The following IQGAP3 variants were observed in gnomAD, a reference collection of about 807,000 sequenced individuals.
The protein encoded by IQGAP3 is IQ motif containing GTPase activating protein 3, also known as ras GTPase-activating-like protein IQGAP3.
In IQGAP3, 165 loss-of-function variants were observed where a neutral mutation model predicts 208.2. The observed-to-expected ratio is 0.79, with a 90% CI of 0.70 to 0.90. The LOEUF (loss-of-function observed/expected upper bound fraction) is 0.90, where lower values mean the gene tolerates loss of function less well. IQGAP3 is among the 40% of genes least tolerant of loss of function. The probability of loss-of-function intolerance (pLI) is 0.00; values close to 1 mark genes in which losing one functional copy is unlikely to be tolerated. For missense variants in IQGAP3, 1,811 were observed against 2,043.1 expected, an observed-to-expected ratio of 0.89 and a Z score of 2.19; for synonymous variants, 703 against 803.6, an observed-to-expected ratio of 0.87 and a Z score of 2.12.
At position 156,562,629 on chromosome 1, in the gene IQGAP3, G is replaced by C; in HGVS notation, c.835C>G (p.Leu279Val). The part of the protein sequence containing the change: ...RESQDIYDHY[L>V]TQAEIQGNIN... Reference sequence around the variant, plus strand: ...TTGCCCTGGATTTCAGCCTGAGTTAGGTAGTGGTCATAGATGTCCTGGCTT... The same window carrying C: ...TTGCCCTGGATTTCAGCCTGAGTTACGTAGTGGTCATAGATGTCCTGGCTT... The change falls in exon 9 of 38, where the codon CTA (leucine) becomes GTA (valine). Residue 279 changes from leucine to valine, a missense_variant. Coordinates refer to ENST00000361170, the MANE Select transcript of IQGAP3 (RefSeq NM_178229.5). 6.2e-7 allele frequency: 1 copy of C among 1,614,142 alleles called. No homozygotes were observed. The highest frequency in any genetic ancestry group is 8.5e-7 in the Non-Finnish European group (1 of 1,180,016).
At chr1:156,547,973 C>T (rs901614700) in intron 19 of IQGAP3, 100 bp downstream of exon 19, 35 of 1,118,218 alleles carry the variant, frequency 3.1e-5, no homozygotes, top group Non-Finnish European at 4.1e-5. Flanking sequence ...ATTCAGAGGC[C>T]GAAAGGTCAT....
In IQGAP3 at chr1:156,539,935, T is replaced by G. The variant is rs760585691; in HGVS notation, c.2795A>C (p.Asp932Ala). The change falls in exon 24 of 38, where the codon GAT becomes GCT. Residue 932 changes from aspartate to alanine, a missense_variant. Transcript: ENST00000361170. ...CTTCTGCTTGTCCAGAACCATCATA[T>G]CTGACAGCTGTTCCTTATTCCTCTT... ...LTKRNKEQLS[D>A]MMVLDKQKGL... 5 of 1,614,136 alleles carry G rather than the reference T, an allele frequency of 3.1e-6. No individual in the cohort carries two copies. Among genetic ancestry groups the G allele is most frequent in the Non-Finnish European group, 4.2e-6 (5 of 1,180,026 alleles).
chr1:156,571,255 CA>C (rs984330386), intron 1 of IQGAP3, among the ~76,000 whole-genome samples: 8 of 152,182 alleles, frequency 5.3e-5, no homozygotes, highest in African/African-American at 1.7e-4. Context: ...CAAAATCAAA[CA>C]GAAAGAGTAA....
At chr1:156,572,117 TC>T in intron 1 of IQGAP3, among the ~76,000 whole-genome samples, 1 of 151,846 alleles carries the variant, frequency 6.6e-6, no homozygotes, top group Non-Finnish European at 1.5e-5. Context: ...AGCCTAAGAG[TC>T]CCCCAGATCC....
chr1:156,572,385 G>T, intron 1 of IQGAP3, 108 bp downstream of exon 1: 1 of 1,219,696 alleles, frequency 8.2e-7, no homozygotes, highest in Non-Finnish European at 1.2e-6. Context: ...CACCGCCCTC[G>T]CCCCTCAGGC....
At chr1:156,564,839 C>A in intron 4 of IQGAP3, 148 bp from the exon 5 acceptor site, 1 of 651,292 alleles carries the variant, frequency 1.5e-6, no homozygotes. Flanking sequence ...TCTCCCCCAA[C>A]CATTTCTAGT....
At position 156,560,946 on chromosome 1, in the gene IQGAP3, G is replaced by GA. The variant is rs1377727686; in HGVS notation, c.1116dup (p.Gln373SerfsTer23). On this transcript the variant is annotated frameshift_variant, in exon 11 of 38. Transcript: ENST00000361170. LOFTEE classifies it high-confidence loss of function. The stretch of plus-strand genomic sequence containing the variant: ...GCAGATGACTTACTGGCTTGTTCCT[G>GA]ATCACCCTTTGTGTTGGCTGCAGCC... 1 of 1,612,952 alleles carries GA rather than the reference G, an allele frequency of 6.2e-7. No individual in the cohort carries two copies. The highest frequency in any genetic ancestry group is 8.5e-7 in the Non-Finnish European group (1 of 1,179,252).
intron 32 of IQGAP3, among the ~76,000 whole-genome samples, chr1:156,532,310 C>T (rs958124729): frequency 6.6e-6 from 1 of 151,236 alleles, no homozygotes; most frequent in African/African-American, 2.4e-5. Flanking sequence ...TCGCTTGAAC[C>T]CAGAAGGCGG....
At chr1:156,558,204 CG>C (rs1382592997) in intron 11 of IQGAP3, among the ~76,000 whole-genome samples, 190 of 794 alleles carry the variant, frequency 0.24, 75 homozygotes, top group African/African-American at 0.33. Context: ...GAGGGAGGCG[CG>C]GGGGGGGGGC....
chr1:156,547,949 T>TTTTAACCACTACTATTCAGAGGCC (rs1312687031), intron 19 of IQGAP3, 124 bp downstream of exon 19: 3 of 867,288 alleles, frequency 3.5e-6, no homozygotes, highest in Admixed American at 2.9e-5. Context: ...GAACCTATGC[T>TTTTAACCACTACTATTCAGAGGCC]TTTAACCACT....
chr1:156,533,673 C>T lies in IQGAP3; in HGVS notation c.3976+100G>A, dbSNP rs376777482. 5.9e-5 allele frequency: 53 copies of T among 900,030 alleles called. No individual in the cohort carries two copies. The South Asian group carries it at 6.5e-4, about 11-fold the overall frequency. 55.8% of individuals were successfully genotyped at this position (900,030 alleles called of 1,614,324 possible). ...ATGGAACTAGCCGCCTGGCACAAGA[C>T]CTAGGCTGCATGGGCACGCTCACAT... is the stretch of plus-strand genomic sequence containing the variant. On this transcript the variant is annotated intron_variant, in intron 31 of 37. Transcript: ENST00000361170.
intron 13 of IQGAP3, among the ~76,000 whole-genome samples, chr1:156,552,363 T>G (rs143000483): frequency 3.3e-4 from 50 of 152,262 alleles, no homozygotes; most frequent in African/African-American, 1.2e-3. Context: ...CTCATGACTT[T>G]AACACCATAT....
Position 156,534,624 on chromosome 1 carries a change from C to CA in IQGAP3, c.3616_3617insT (p.Arg1206LeufsTer32). The CA allele has an allele frequency of 6.2e-7, 1 of 1,612,116 alleles. No homozygotes were observed. Among genetic ancestry groups the CA allele is most frequent in the Non-Finnish European group, 8.5e-7 (1 of 1,179,706 alleles). Reference sequence around the variant, plus strand: ...CTGAGCCACAGCCCCCAGGGCATGGCGCTGGGGGGCAGCCAGGGCTCCACC... The same window carrying CA: ...CTGAGCCACAGCCCCCAGGGCATGGCAGCTGGGGGGCAGCCAGGGCTCCACC... On this transcript the variant is annotated frameshift_variant, in exon 29 of 38. Transcript: ENST00000361170. LOFTEE classifies it high-confidence loss of function.
Position 156,551,970 on chromosome 1 carries a change from T to C in IQGAP3, c.1570+4A>G. On this transcript the variant is annotated splice_donor_region_variant and intron_variant, in intron 14 of 37. Transcript: ENST00000361170. ...ATCTCCACCCAGCTCCAGACTATACTTACGGTCAGTCTCTTCCTGGGTCTG... is the reference window on the plus strand; with the variant it reads ...ATCTCCACCCAGCTCCAGACTATACCTACGGTCAGTCTCTTCCTGGGTCTG... 2 of 1,613,564 alleles carry C rather than the reference T, an allele frequency of 1.2e-6. No individual in the cohort carries two copies. The highest frequency in any genetic ancestry group is 1.7e-6 in the Non-Finnish European group (2 of 1,179,664).
At chr1:156,543,163 C>T (rs1234639912) in intron 22 of IQGAP3, among the ~76,000 whole-genome samples, 3 of 151,934 alleles carry the variant, frequency 2.0e-5, no homozygotes, top group Non-Finnish European at 4.4e-5. Context: ...AGTGTAACCA[C>T]AGAGACAAAA....
At chr1:156,557,582 C>A (rs1675899234) in intron 11 of IQGAP3, among the ~76,000 whole-genome samples, 2 of 85,604 alleles carry the variant, frequency 2.3e-5, no homozygotes, top group Admixed American at 1.2e-4. Context: ...AGCCCCCCGC[C>A]CGGCCAGCCG....
Position 156,540,874 on chromosome 1 carries a change from G to A in IQGAP3, c.2573C>T (p.Ala858Val). ...TTGCTGGCTTTGATTCAAGAGATGGGCAAATCTGCGTACCACACTGAGAGG... is the reference window on the plus strand; with the variant it reads ...TTGCTGGCTTTGATTCAAGAGATGGACAAATCTGCGTACCACACTGAGAGG... ...HPPLSVVRRF[A>V]HLLNQSQQDF... The change falls in exon 23 of 38, where the codon GCC (alanine) becomes GTC (valine). Residue 858 changes from alanine (A) to valine (V), a missense_variant. Coordinates refer to ENST00000361170, the MANE Select transcript of IQGAP3 (RefSeq NM_178229.5). 6.2e-7 allele frequency: 1 copy of A among 1,614,006 alleles called. No individual in the cohort carries two copies.
At chr1:156,562,784 G>C in intron 8 of IQGAP3, 119 bp from the exon 9 acceptor site, 2 of 912,532 alleles carry the variant, frequency 2.2e-6, no homozygotes, top group South Asian at 2.7e-5. Context: ...CCAAAGTTCA[G>C]TCTGCTCAGA....
rs367772740 is a variant in IQGAP3, at chr1:156,540,790, C to T, written c.2657G>A (p.Arg886Gln). The T allele has an allele frequency of 1.5e-5, 25 of 1,613,944 alleles. No homozygotes were observed. The highest frequency in any genetic ancestry group is 1.8e-5 in the Non-Finnish European group (21 of 1,180,018). ...KLQEEVVRKI[R>Q]SNQQLEQDLN... ...GTCCTGCTCCAGCTGCTGATTGGATCGGATCTTCCTAACTACCTCTTCCTG... is the reference window on the plus strand; with the variant it reads ...GTCCTGCTCCAGCTGCTGATTGGATTGGATCTTCCTAACTACCTCTTCCTG... Residue 886 changes from arginine (R) to glutamine (Q), a missense_variant, in exon 23 of 38, where the codon CGA becomes CAA. Transcript: ENST00000361170.
Sources: gnomAD v4.1 joint callset for allele counts (sites outside exome capture counted in the v4.1 genomes callset) on GRCh38, gnomAD v4.1.1 for gene constraint, MANE v1.5 for transcripts, NCBI Gene and HGNC (gene_info 2026-07-23, HGNC 2026-07-21) for gene names.